Variants in RBPJ observed in about 807,000 individuals in gnomAD.
RBPJ encodes recombining binding protein suppressor of hairless.
Under a neutral mutation model 67.8 loss-of-function variants are expected in RBPJ, and 9 were observed. The ratio of observed to expected loss-of-function variants is 0.13; its 90% confidence interval spans 0.08 to 0.23. The LOEUF is 0.23. RBPJ is among the 10% of genes least tolerant of loss of function. RBPJ has a pLI of 1.00. For synonymous variants in RBPJ, 198 were observed against 203.3 expected (o/e 0.97, Z 0.22); for missense variants, 305 against 595.6 (o/e 0.51, Z 5.08).
intron 1 of RBPJ, among the ~76,000 whole-genome samples, chr4:26,297,362 GAA>G (rs2109295664): frequency 9.3e-6 from 1 of 107,798 alleles, no homozygotes; most frequent in African/African-American, 3.0e-5. Flanking sequence ...GTGTACGAGA[GAA>G]AGAGAGAGAG....
chr4:26,221,371 G>T (rs1332607323), intron 1 of RBPJ, among the ~76,000 whole-genome samples: 1 of 152,164 alleles, frequency 6.6e-6, no homozygotes. Context: ...ATTACAGGCA[G>T]GAGCCACCGT....
chr4:26,321,013 CGA>C lies in RBPJ; in HGVS notation c.-12_-11del, dbSNP rs764287195. 2 of 1,613,378 alleles carry C rather than the reference CGA, an allele frequency of 1.2e-6. No homozygotes were observed. The highest frequency in any genetic ancestry group is 1.1e-5 in the South Asian group (1 of 91,060). Reference sequence around the variant, plus strand: ...AATCTCGCGAGGGTTGGAGTTTTGGCGAGAGTTTGTGGAAGATGGCGCCTGTT... The same window carrying C: ...AATCTCGCGAGGGTTGGAGTTTTGGCGAGTTTGTGGAAGATGGCGCCTGTT... On this transcript the variant is annotated 5_prime_UTR_variant, in exon 1 of 11. Coordinates refer to ENST00000355476, the MANE Select transcript of RBPJ (RefSeq NM_015874.6).
chr4:26,322,906 C>A (rs756815831), intron 1 of RBPJ: 2 of 151,212 alleles, frequency 1.3e-5, no homozygotes, highest in Non-Finnish European at 2.9e-5. Context: ...AGGTATTCTT[C>A]AAGAGTTTGT....
upstream of RBPJ, among the ~76,000 whole-genome samples, chr4:26,160,011 C>T (rs1280150928): frequency 4.6e-5 from 7 of 152,048 alleles, no homozygotes; most frequent in East Asian, 1.9e-4. Context: ...CTCCGCTTCC[C>T]GAGTTCACGC....
chr4:26,294,903 G>T (rs1441595186), intron 1 of RBPJ, among the ~76,000 whole-genome samples: 1 of 151,948 alleles, frequency 6.6e-6, no homozygotes, highest in Non-Finnish European at 1.5e-5. Context: ...ATTACATGTG[G>T]GCATAGTTTA....
intron 1 of RBPJ, among the ~76,000 whole-genome samples, chr4:26,271,570 G>A (rs1157261313): frequency 1.3e-5 from 2 of 151,998 alleles, no homozygotes; most frequent in South Asian, 4.2e-4. Flanking sequence ...TCCCCAGGAG[G>A]GGATTCATGA....
At chr4:26,147,199 G>A in the RBPJ span, among the ~76,000 whole-genome samples, 3 of 152,192 alleles carry the variant, frequency 2.0e-5, no homozygotes, top group Admixed American at 6.5e-5. Context: ...GCTGACTCTG[G>A]CTTGTTTAGC....
At chr4:26,153,550 T>C in the RBPJ span, among the ~76,000 whole-genome samples, 2 of 152,230 alleles carry the variant, frequency 1.3e-5, no homozygotes, top group Non-Finnish European at 2.9e-5. Context: ...TGAAGAGGCA[T>C]GCTAGTGGAT....
intron 1 of RBPJ, among the ~76,000 whole-genome samples, chr4:26,360,546 G>A (rs1727928429): frequency 6.6e-6 from 1 of 150,862 alleles, no homozygotes; most frequent in Non-Finnish European, 1.5e-5. Flanking sequence ...GAAGGAGACT[G>A]TAGTAACTAG....
In RBPJ at chr4:26,174,777, G is replaced by A. The variant is rs192657197; in HGVS notation, c.-167+11163G>A. ...GAGCCACTGTGCCCGGCCCAGATGA[G>A]CATTTTAAAATTTCAGAGCCTATAT... On this transcript the variant is annotated intron_variant, in intron 1 of 4. Transcript: ENST00000512351. Among the ~76,000 whole-genome samples the A allele has an allele frequency of 4.6e-3, 695 of 152,132 alleles. 10 individuals carry two copies. The highest frequency in any genetic ancestry group is 0.016 in the African/African-American group (652 of 41,512).
intron 1 of RBPJ, among the ~76,000 whole-genome samples, chr4:26,218,491 C>T (rs957779772): frequency 3.9e-5 from 6 of 152,158 alleles, no homozygotes; most frequent in African/African-American, 1.4e-4. Context: ...AACATTCCTA[C>T]CAGGACGTAC....
chr4:26,213,695 C>G (rs1264049647), intron 1 of RBPJ, among the ~76,000 whole-genome samples: 1 of 152,152 alleles, frequency 6.6e-6, no homozygotes, highest in Non-Finnish European at 1.5e-5. Flanking sequence ...GGATTTCACA[C>G]AGGAGACTGC....
At chr4:26,169,599 C>G (rs1049495709) in intron 1 of RBPJ, among the ~76,000 whole-genome samples, 4 of 152,228 alleles carry the variant, frequency 2.6e-5, no homozygotes, top group African/African-American at 9.7e-5. Flanking sequence ...CTGCTCTACT[C>G]AAAGCTGTCA....
intron 1 of RBPJ, among the ~76,000 whole-genome samples, chr4:26,358,940 C>T (rs541461462): frequency 8.5e-5 from 13 of 152,234 alleles, no homozygotes; most frequent in African/African-American, 2.6e-4. Flanking sequence ...GTTTTTATCC[C>T]AGTTTTTCAA....
chr4:26,298,949 A>AT (rs147919457), intron 1 of RBPJ, among the ~76,000 whole-genome samples: 5,119 of 152,326 alleles, frequency 0.034, 197 homozygotes, highest in Middle Eastern at 0.11. Flanking sequence ...CACATTTAAA[A>AT]TTTACGCTTC....
At chr4:26,410,688 G>A (rs1452878694) in intron 3 of RBPJ, among the ~76,000 whole-genome samples, 1 of 152,154 alleles carries the variant, frequency 6.6e-6, no homozygotes, top group Non-Finnish European at 1.5e-5. Context: ...TGCAAAGGTA[G>A]CAAGATAATG....
At chr4:26,416,482 A>G (rs1734601707) in intron 4 of RBPJ, among the ~76,000 whole-genome samples, 2 of 152,134 alleles carry the variant, frequency 1.3e-5, no homozygotes, top group Non-Finnish European at 2.9e-5. Flanking sequence ...CATCCACCTC[A>G]GCCTCCCAAA....
the RBPJ span, among the ~76,000 whole-genome samples, chr4:26,143,698 A>G: frequency 0.028 from 4,282 of 152,306 alleles, 185 homozygotes; most frequent in African/African-American, 0.098. Context: ...AGGCCAAGGC[A>G]GGTGGATGGC....
intron 2 of RBPJ, among the ~76,000 whole-genome samples, chr4:26,392,828 G>T (rs1489744314): frequency 1.3e-5 from 2 of 152,170 alleles, no homozygotes; most frequent in Non-Finnish European, 2.9e-5. Flanking sequence ...CAATAAAGCT[G>T]TTAAAAACTT....
Sources: allele counts gnomAD v4.1 joint callset (sites outside exome capture counted in the v4.1 genomes callset), GRCh38; gene constraint gnomAD v4.1.1; transcripts MANE v1.5; gene names NCBI Gene and HGNC (gene_info 2026-07-23, HGNC 2026-07-21).